Variants in FN1 observed in about 807,000 individuals in gnomAD.
The protein encoded by FN1 is fibronectin 1, also known as fibronectin.
In FN1, 106 loss-of-function variants were observed where a neutral mutation model predicts 297.3. The ratio of observed to expected loss-of-function variants is 0.36; its 90% CI spans 0.30 to 0.42. The LOEUF is 0.42. Among genes scored for constraint, FN1 ranks in the 10% least tolerant of loss-of-function variants. The pLI is 1.00. For synonymous variants in FN1, 1,149 were observed against 1,152.6 expected (o/e 1.00, Z 0.06); for missense variants, 2,690 against 3,124.9 (o/e 0.86, Z 3.32).
intron 39 of FN1, 45 bp from the exon 40 acceptor site, chr2:215,372,420 T>C: frequency 7.2e-7 from 1 of 1,381,486 alleles, no homozygotes; most frequent in Non-Finnish European, 1.0e-6. Flanking sequence ...CGCATTAAGC[T>C]CCAGGAAGTA....
intron 6 of FN1, among the ~76,000 whole-genome samples, chr2:215,427,821 T>C (rs773789935): frequency 6.6e-6 from 1 of 152,168 alleles, no homozygotes; most frequent in Non-Finnish European, 1.5e-5. Context: ...ATAACTCTCA[T>C]TTCCTTTCAA....
chr2:215,381,351 TTAAAGA>T (rs1411844071), intron 32 of FN1: 1 of 505,968 alleles, frequency 2.0e-6, no homozygotes, highest in Non-Finnish European at 3.6e-6. Flanking sequence ...TTATATTAAT[TTAAAGA>T]TATTCTACCA....
chr2:215,416,161 A>G (rs899612909), intron 12 of FN1, among the ~76,000 whole-genome samples: 2 of 152,194 alleles, frequency 1.3e-5, no homozygotes, highest in African/African-American at 4.8e-5. Context: ...TTGGATATCC[A>G]TGTAGATTCA....
chr2:215,377,592 C>T (rs2057530889), intron 35 of FN1, among the ~76,000 whole-genome samples: 1 of 152,170 alleles, frequency 6.6e-6, no homozygotes, highest in African/African-American at 2.4e-5. Context: ...ATACCAGCAC[C>T]ATGCTTCCTG....
At position 215,373,377 on chromosome 2, in the gene FN1, G is replaced by A. The variant is rs751466627; in HGVS notation, c.6192C>T (p.Val2064=). The A allele has an allele frequency of 1.2e-6, 2 of 1,613,332 alleles. No individual in the cohort carries two copies. Among genetic ancestry groups the A allele is most frequent in the East Asian group, 2.2e-5 (1 of 44,826 alleles). ...TCTTCTGATTATTCTTCAGGGCAAT[G>A]ACATAAATTGTATATTCGGTTCCCG... ...LEPGTEYTIY[V]IALKNNQKSE... Residue 2064 remains valine, a synonymous_variant, in exon 39 of 46, where the codon GTC becomes GTT. Transcript: ENST00000354785.
In FN1 at chr2:215,386,969, C is replaced by T; in HGVS notation, c.4343-11G>A. ...TTGGGGAATCAAGACCTGTTTTTCCCACCCGGGGGAGGAAGAGAAAAAAAA... is the reference window on the plus strand; with the variant it reads ...TTGGGGAATCAAGACCTGTTTTTCCTACCCGGGGGAGGAAGAGAAAAAAAA... On this transcript the variant is annotated splice_polypyrimidine_tract_variant and intron_variant, in intron 27 of 45. Coordinates refer to ENST00000354785, the MANE Select transcript of FN1 (RefSeq NM_212482.4). 6.2e-7 allele frequency: 1 copy of T among 1,607,744 alleles called. No homozygotes were observed. Among genetic ancestry groups the T allele is most frequent in the South Asian group, 1.1e-5 (1 of 90,162 alleles).
Position 215,376,601 on chromosome 2 carries a change from C to T in FN1, c.5784G>A (p.Lys1928=). The change falls in exon 36 of 46, where the codon AAG becomes AAA. Residue 1928 remains lysine (K), a synonymous_variant. Transcript: ENST00000354785. ...ETTITISWRT[K]TETITGFQVD... Reference sequence around the variant, plus strand: ...CTTGGAAGCCAGTGATCGTCTCAGTCTTGGTTCTCCAGCTAATGGTGATGG... The same window carrying T: ...CTTGGAAGCCAGTGATCGTCTCAGTTTTGGTTCTCCAGCTAATGGTGATGG... 1 of 1,613,856 alleles carries T rather than the reference C, an allele frequency of 6.2e-7. No homozygotes were observed. Among genetic ancestry groups the T allele is most frequent in the Non-Finnish European group, 8.5e-7 (1 of 1,179,998 alleles).
chr2:215,419,177 T>C, intron 12 of FN1, 65 bp downstream of exon 12: 1 of 1,447,836 alleles, frequency 6.9e-7, no homozygotes, highest in Non-Finnish European at 9.7e-7. Context: ...AGAGCATTAA[T>C]AATCACTGCC....
At chr2:215,367,008 G>C (rs1277467409) in intron 42 of FN1, among the ~76,000 whole-genome samples, 1 of 152,130 alleles carries the variant, frequency 6.6e-6, no homozygotes, top group East Asian at 1.9e-4. Flanking sequence ...ATGATTTCAA[G>C]TATACAAGTT....
In FN1 at chr2:215,406,246, T is replaced by C. The variant is rs926481726; in HGVS notation, c.2978A>G (p.Gln993Arg). The change falls in exon 19 of 46, where the codon CAG becomes CGG. Residue 993 changes from glutamine to arginine, a missense_variant. By Grantham distance (43) the Gln-to-Arg change is conservative. Transcript: ENST00000354785. ...GATAGGAGAAGACATACTGGTTGTCTGTTGAGCAGTCAGAGGCTTGCTCTC... is the reference window on the plus strand; with the variant it reads ...GATAGGAGAAGACATACTGGTTGTCCGTTGAGCAGTCAGAGGCTTGCTCTC... Reference protein sequence around the residue: ...GRESKPLTAQQTTKLDAPTNL... With the variant: ...GRESKPLTAQRTTKLDAPTNL... 48 of 1,614,020 alleles carry C rather than the reference T, an allele frequency of 3.0e-5. No individual in the cohort carries two copies. The highest frequency in any genetic ancestry group is 3.8e-5 in the Non-Finnish European group (45 of 1,179,978).
intron 44 of FN1, chr2:215,362,305 T>C (rs1234880014): frequency 1.8e-6 from 1 of 542,204 alleles, no homozygotes; most frequent in African/African-American, 1.9e-5. Context: ...GTTGTTTCTT[T>C]CTCCTGAAAT....
In FN1 at chr2:215,370,540, C is replaced by CAAAAAAAAAAAAAAAAA. The variant is rs377315833; in HGVS notation, c.6715-109_6715-108insTTTTTTTTTTTTTTTTT. 8.2e-5 allele frequency: 25 copies of CAAAAAAAAAAAAAAAAA among 304,980 alleles called. No individual in the cohort carries two copies. The African/African-American group carries it at 8.4e-4, about 10-fold the overall frequency. 18.9% of individuals were successfully genotyped at this position (304,980 alleles called of 1,614,324 possible). A position where few individuals can be genotyped will look rare whatever the true frequency, so the allele number is the denominator to read the frequency against. On this transcript the variant is annotated intron_variant, in intron 40 of 45. Coordinates refer to ENST00000354785, the MANE Select transcript of FN1 (RefSeq NM_212482.4). ...ACTGTTTAAACAAAGCAAAGGAAGA[C>CAAAAAAAAAAAAAAAAA]AAAAAACAAAAAACAAAAAAAAAAA...
intron 7 of FN1, 117 bp downstream of exon 7, chr2:215,424,977 G>A (rs544965273): frequency 2.2e-5 from 20 of 900,380 alleles, no homozygotes; most frequent in Non-Finnish European, 3.7e-5. Context: ...TGTTATCACA[G>A]GGTGGTAAGA....
At position 215,423,608 on chromosome 2, in the gene FN1, G is replaced by T. The variant is rs1306169945; in HGVS notation, c.1217-82C>A. 7.7e-6 allele frequency: 10 copies of T among 1,303,058 alleles called. No homozygotes were observed. The Admixed American group carries it at 9.3e-5, about 12-fold the overall frequency. The allele number at this position is 1,303,058 out of a possible 1,614,324, so 80.7% of individuals were successfully genotyped here. ...TACACAGAATTACTGGTCTGAGAGA[G>T]CCAGGTTTCTGCAGCTCATTCACAG... On this transcript the variant is annotated intron_variant, in intron 8 of 45. Coordinates refer to ENST00000354785, the MANE Select transcript of FN1 (RefSeq NM_212482.4).
intron 31 of FN1, 71 bp from the exon 32 acceptor site, chr2:215,382,396 G>T: frequency 4.2e-6 from 4 of 948,042 alleles, no homozygotes; most frequent in Non-Finnish European, 6.9e-6. Flanking sequence ...GGCGTCTAGA[G>T]TTTGGTAGTA....
At chr2:215,398,828 T>C (rs2060625391) in intron 21 of FN1, among the ~76,000 whole-genome samples, 2 of 152,238 alleles carry the variant, frequency 1.3e-5, no homozygotes, top group Admixed American at 6.5e-5. Context: ...CAGTTGGAGA[T>C]GAAACTGATT....
Position 215,397,204 on chromosome 2 carries a change from G to A in FN1, c.3537C>T (p.Asn1179=), listed in dbSNP as rs2060398095. ...KVVTPLSPPT[N]LHLEANPDTG... is the part of the protein sequence containing the mutation. ...TGTCAGGGTTTGCCTCCAGATGCAA[G>A]TTTGTTGGTGGAGACAATGCTATGC... The change falls in exon 23 of 46, where the codon AAC becomes AAT. Residue 1179 remains asparagine, a synonymous_variant. Transcript: ENST00000354785. 1 of 1,613,446 alleles carries A rather than the reference G, an allele frequency of 6.2e-7. No individual in the cohort carries two copies. The highest frequency in any genetic ancestry group is 8.5e-7 in the Non-Finnish European group (1 of 1,179,378).
intron 26 of FN1, among the ~76,000 whole-genome samples, chr2:215,390,431 C>G (rs2059586804): frequency 1.3e-5 from 2 of 152,154 alleles, no homozygotes; most frequent in African/African-American, 4.8e-5. Context: ...GCAATTGGCC[C>G]ACCTCAGCCT....
intron 42 of FN1, among the ~76,000 whole-genome samples, chr2:215,366,267 A>T (rs2054588332): frequency 6.6e-6 from 1 of 152,142 alleles, no homozygotes; most frequent in African/African-American, 2.4e-5. Flanking sequence ...CACTATTAAG[A>T]TTTAAAATTG....
Sources: gnomAD v4.1 joint callset for allele counts (sites outside exome capture counted in the v4.1 genomes callset) on GRCh38, gnomAD v4.1.1 for gene constraint, MANE v1.5 for transcripts, NCBI Gene and HGNC (gene_info 2026-07-23, HGNC 2026-07-21) for gene names.